The following CLEC16A variants were observed in gnomAD, a reference collection of about 807,000 sequenced individuals.
CLEC16A encodes the protein protein CLEC16A.
In CLEC16A, 51 loss-of-function variants were observed where a neutral mutation model predicts 109.5. The observed-to-expected ratio is 0.47, with a 90% CI of 0.37 to 0.59. The LOEUF is 0.59. CLEC16A is among the 20% of genes least tolerant of loss of function. The pLI is 0.00. For missense variants in CLEC16A, 1,339 were observed against 1,394.0 expected (o/e 0.96, Z 0.63); for synonymous variants, 673 against 564.2 (o/e 1.19, Z -2.73).
At chr16:11,039,654 T>C (rs2047211182) in intron 13 of CLEC16A, 100 bp from the exon 14 acceptor site, 31 of 1,310,470 alleles carry the variant, frequency 2.4e-5, no homozygotes, top group Non-Finnish European at 3.0e-5. Flanking sequence ...AGGGAACATA[T>C]GTGGCTGAAG....
chr16:10,952,740 T>A lies in CLEC16A; in HGVS notation c.81-5042T>A, dbSNP rs115787842. On this transcript the variant is annotated intron_variant, in intron 1 of 23. Transcript: ENST00000409790. ...GAGCAAGGTGAAGGTGTAACCCTCA[T>A]TGAGCTTTGGAGCTTGCAGTCTACT... 2.5e-3 allele frequency among the ~76,000 whole-genome samples: 385 copies of A among 152,328 alleles called. 3 individuals are homozygous for A. Among genetic ancestry groups the A allele is most frequent in the African/African-American group, 8.6e-3 (359 of 41,566 alleles).
intron 9 of CLEC16A, among the ~76,000 whole-genome samples, chr16:10,981,077 T>A (rs1297692676): frequency 6.6e-6 from 1 of 152,164 alleles, no homozygotes; most frequent in Admixed American, 6.5e-5. Flanking sequence ...TCACCCTCCC[T>A]CTTTTTTGGG....
chr16:11,076,538 C>A (rs1003625658), intron 19 of CLEC16A, among the ~76,000 whole-genome samples: 1 of 152,210 alleles, frequency 6.6e-6, no homozygotes, highest in African/African-American at 2.4e-5. Context: ...GGTTCCCCTG[C>A]ATCACACGCC....
intron 19 of CLEC16A, among the ~76,000 whole-genome samples, chr16:11,104,013 G>C (rs1300702391): frequency 1.3e-5 from 2 of 152,176 alleles, no homozygotes; most frequent in African/African-American, 4.8e-5. Context: ...GGTCTGGCCA[G>C]CATCTGTGGG....
At chr16:11,115,321 A>G (rs1000024527) in intron 19 of CLEC16A, among the ~76,000 whole-genome samples, 2 of 152,332 alleles carry the variant, frequency 1.3e-5, no homozygotes, top group Admixed American at 1.3e-4. Flanking sequence ...TTTTTGTTCT[A>G]TTTTTAAAGA....
At chr16:10,979,991 C>T (rs1331242035) in intron 9 of CLEC16A, among the ~76,000 whole-genome samples, 1 of 152,190 alleles carries the variant, frequency 6.6e-6, no homozygotes, top group Admixed American at 6.5e-5. Context: ...CATGGCGACC[C>T]AGTTACATAA....
chr16:11,021,521 G>C (rs1435277581), intron 12 of CLEC16A, among the ~76,000 whole-genome samples: 1 of 152,234 alleles, frequency 6.6e-6, no homozygotes, highest in Non-Finnish European at 1.5e-5. Context: ...GATTAGGCCA[G>C]GCATGGTTGT....
At chr16:11,106,456 ATTTTTTTTT>A (rs538713695) in intron 19 of CLEC16A, among the ~76,000 whole-genome samples, 1 of 133,560 alleles carries the variant, frequency 7.5e-6, no homozygotes, top group African/African-American at 2.9e-5. Flanking sequence ...ACCCAGCCCA[ATTTTTTTTT>A]TTTTTTTTTT....
intron 22 of CLEC16A, chr16:11,156,727 G>A (rs766656241): frequency 1.2e-5 from 15 of 1,219,936 alleles, no homozygotes; most frequent in Non-Finnish European, 1.1e-5. Flanking sequence ...GGCAGGGACT[G>A]GGTCCTTGGG....
At chr16:11,016,973 G>C (rs1270494716) in intron 11 of CLEC16A, among the ~76,000 whole-genome samples, 2 of 137,072 alleles carry the variant, frequency 1.5e-5, no homozygotes, top group African/African-American at 5.3e-5. Flanking sequence ...ACCTCACATA[G>C]GGCCGGGGCC....
chr16:11,150,492 C>T (rs2054251200), intron 22 of CLEC16A, among the ~76,000 whole-genome samples: 1 of 152,198 alleles, frequency 6.6e-6, no homozygotes, highest in Non-Finnish European at 1.5e-5. Flanking sequence ...GGCAGCGTTG[C>T]AGTGGGCATC....
In CLEC16A at chr16:11,120,610, C is replaced by G; in HGVS notation, c.2117-5C>G. 1 of 1,607,022 alleles carries G rather than the reference C, an allele frequency of 6.2e-7. No homozygotes were observed. The highest frequency in any genetic ancestry group is 1.1e-5 in the South Asian group (1 of 89,928). The stretch of plus-strand genomic sequence containing the variant: ...CTCATTCTCTTCTCACCTTCCTCCT[C>G]CCAGATAACAGCGACTTGATTGCAT... On this transcript the variant is annotated splice_region_variant and splice_polypyrimidine_tract_variant and intron_variant, in intron 19 of 23. Coordinates refer to ENST00000409790, the MANE Select transcript of CLEC16A (RefSeq NM_015226.3).
rs376298697 is a variant in CLEC16A, at chr16:11,146,834, A to C, written c.2642-19554A>C. On this transcript the variant is annotated intron_variant, in intron 22 of 23. Transcript: ENST00000409790. ...CTTTAATCCCCCCTTCTGTGTGCTA[A>C]ACATTGTTCACTGGGGACTCAGGGG... Among the ~76,000 whole-genome samples the C allele has an allele frequency of 1.7e-4, 26 of 152,196 alleles. No homozygotes were observed. The East Asian group carries it at 4.4e-3, about 26-fold the overall frequency.
At position 10,957,901 on chromosome 16, in the gene CLEC16A, C is replaced by G. The variant is rs200715491; in HGVS notation, c.200C>G (p.Ser67Cys). Residue 67 changes from serine (S) to cysteine (C), a missense_variant, in exon 2 of 24, where the codon TCT becomes TGT. Around this residue, in one of 3 missense-constraint regions of CLEC16A, gnomAD observed 117 missense variants for 120.2 expected, o/e 0.97. Coordinates refer to ENST00000409790, the MANE Select transcript of CLEC16A (RefSeq NM_015226.3). ...ILIWGDQNDS[S>C]VFDFFLEKNM... ...ATCTGGGGAGATCAAAATGACAGCTCTGTATTTGAGTAAGGGTTTCTAATG... is the reference window on the plus strand; with the variant it reads ...ATCTGGGGAGATCAAAATGACAGCTGTGTATTTGAGTAAGGGTTTCTAATG... The G allele has an allele frequency of 2.7e-4, 435 of 1,613,780 alleles. 4 individuals carry two copies. In the South Asian group the frequency reaches 4.6e-3, roughly 17 times the overall value.
intron 1 of CLEC16A, among the ~76,000 whole-genome samples, chr16:10,946,377 A>T (rs556334265): frequency 1.2e-3 from 183 of 152,218 alleles, no homozygotes; most frequent in African/African-American, 4.2e-3. Flanking sequence ...GCATTTAGTA[A>T]ACGTTTGTGA....
intron 22 of CLEC16A, among the ~76,000 whole-genome samples, chr16:11,158,482 A>G (rs964038025): frequency 6.6e-6 from 1 of 152,206 alleles, no homozygotes; most frequent in Non-Finnish European, 1.5e-5. Context: ...TTTTTCCTAA[A>G]AGAGGTCTAT....
At chr16:11,164,891 G>A (rs572623889) in intron 22 of CLEC16A, among the ~76,000 whole-genome samples, 20 of 152,326 alleles carry the variant, frequency 1.3e-4, no homozygotes, top group South Asian at 6.2e-4. Flanking sequence ...GAGCTGGACC[G>A]TGTGAAGTTC....
chr16:11,152,102 CAGCTTAGCA>C (rs753578681), intron 22 of CLEC16A, among the ~76,000 whole-genome samples: 2 of 152,146 alleles, frequency 1.3e-5, no homozygotes, highest in African/African-American at 2.4e-5. Flanking sequence ...CAGCAAGGGC[CAGCTTAGCA>C]CAGAGACCAG....
chr16:11,117,379 T>C (rs2052074865), intron 19 of CLEC16A, among the ~76,000 whole-genome samples: 1 of 152,256 alleles, frequency 6.6e-6, no homozygotes, highest in South Asian at 2.1e-4. Context: ...ATCAGAGGCT[T>C]CTGTTAATGT....
Sources: allele counts gnomAD v4.1 joint callset (sites outside exome capture counted in the v4.1 genomes callset), GRCh38; gene constraint gnomAD v4.1.1; regional missense constraint gnomAD v4.1.1; transcripts MANE v1.5; gene names NCBI Gene and HGNC (gene_info 2026-07-23, HGNC 2026-07-21).